The following COL5A3 variants were observed in gnomAD, a reference collection of about 807,000 sequenced individuals.
The protein encoded by COL5A3 is collagen alpha-3(V) chain.
In COL5A3, 172 loss-of-function variants were observed where a neutral mutation model predicts 250.0. That is an observed-to-expected ratio of 0.69 (90% CI 0.61 to 0.78). COL5A3 has a LOEUF of 0.78. COL5A3 is among the 30% of genes least tolerant of loss of function. The pLI is 0.00. For synonymous variants in COL5A3, 937 were observed against 900.4 expected, an observed-to-expected ratio of 1.04 and a Z score of -0.73; for missense variants, 2,340 against 2,334.4, an observed-to-expected ratio of 1.00 and a Z score of -0.05.
Position 9,979,828 on chromosome 19 carries a change from G to C in COL5A3, c.2712+11C>G. ...AAAGGATCAGGAATCAAAGGTTGAG[G>C]GGTTACTCACCAGTTCTCCTCTCTG... On this transcript the variant is annotated intron_variant, in intron 37 of 66. Coordinates refer to ENST00000264828, the MANE Select transcript of COL5A3 (RefSeq NM_015719.4). 1 of 1,584,442 alleles carries C rather than the reference G, an allele frequency of 6.3e-7. No individual in the cohort carries two copies. Among genetic ancestry groups the C allele is most frequent in the Non-Finnish European group, 8.5e-7 (1 of 1,170,582 alleles).
At chr19:9,989,645 A>G in intron 24 of COL5A3, 123 bp from the exon 25 acceptor site, 1 of 868,714 alleles carries the variant, frequency 1.2e-6, no homozygotes, top group South Asian at 1.9e-5. Context: ...CTGGCCAGGA[A>G]ATCTATCCCA....
chr19:9,991,909 C>T (rs1036227162), intron 22 of COL5A3, 68 bp from the exon 23 acceptor site: 38 of 1,577,414 alleles, frequency 2.4e-5, no homozygotes, highest in Non-Finnish European at 3.0e-5. Flanking sequence ...GTGAAATTGA[C>T]TTGGGGGGGG....
chr19:9,998,114 T>G lies in COL5A3; in HGVS notation c.1146A>C (p.Ala382=), dbSNP rs2087299070. The G allele has an allele frequency of 1.9e-6, 3 of 1,613,932 alleles. No homozygotes were observed. Among genetic ancestry groups the G allele is most frequent in the Non-Finnish European group, 2.5e-6 (3 of 1,179,976 alleles). The part of the protein sequence containing the change: ...AGEKGAKGEP[A]VIEKGQQFEG... ...CCAGACCCCTCACCTTTTCAATCAC[T>G]GCGGGCTCTCCTTTTGCTCCTTTCT... Residue 382 remains alanine (A), a synonymous_variant, in exon 9 of 67, where the codon GCA becomes GCC. Transcript: ENST00000264828.
chr19:9,976,701 C>T lies in COL5A3; in HGVS notation c.3289-90G>A, dbSNP rs565544946. 3.4e-5 allele frequency: 33 copies of T among 968,554 alleles called. No homozygotes were observed. The African/African-American group carries it at 4.6e-4, about 13-fold the overall frequency. The allele number at this position is 968,554 out of a possible 1,614,324, so 60.0% of individuals were successfully genotyped here. A position where few individuals can be genotyped will look rare whatever the true frequency, so the allele number is the denominator to read the frequency against. ...TATCAATCACTGCCTCCCACACCCC[C>T]TTTATGAGAACAACTTCCCCTACCA... On this transcript the variant is annotated intron_variant, in intron 44 of 66. Coordinates refer to ENST00000264828, the MANE Select transcript of COL5A3 (RefSeq NM_015719.4).
At chr19:9,976,390 G>A (rs2086922495) in intron 45 of COL5A3, among the ~76,000 whole-genome samples, 168 bp downstream of exon 45, 1 of 152,122 alleles carries the variant, frequency 6.6e-6, no homozygotes, top group Non-Finnish European at 1.5e-5. Flanking sequence ...GGTTGGGTTG[G>A]GATTGACTCC....
At position 9,971,009 on chromosome 19, in the gene COL5A3, C is replaced by G; in HGVS notation, c.3848G>C (p.Gly1283Ala). The change falls in exon 53 of 67, where the codon GGG (glycine) becomes GCG (alanine). Residue 1283 changes from glycine to alanine, a missense_variant. By Grantham distance (60) the Gly-to-Ala change is moderately conservative (BLOSUM62 0). This residue lies in a region of COL5A3 where 1,179 missense variants were observed against 1,162.6 expected (regional missense o/e 1.01). Transcript: ENST00000264828. Reference protein sequence around the residue: ...PGVSGIDGSPGEKGDPGDVGG... With the variant: ...PGVSGIDGSPAEKGDPGDVGG... Reference sequence around the variant, plus strand: ...AACATCACCAGGGTCTCCCTTCTCCCCTGGGGAACCATCTATGCCCTGCAT... The same window carrying G: ...AACATCACCAGGGTCTCCCTTCTCCGCTGGGGAACCATCTATGCCCTGCAT... 6.4e-7 allele frequency: 1 copy of G among 1,553,966 alleles called. No individual in the cohort carries two copies. Among genetic ancestry groups the G allele is most frequent in the Non-Finnish European group, 8.7e-7 (1 of 1,154,974 alleles).
rs1396298397 is a variant in COL5A3, at chr19:9,985,875, G to T, written c.2373C>A (p.Gly791=). 1 of 1,613,962 alleles carries T rather than the reference G, an allele frequency of 6.2e-7. No individual in the cohort carries two copies. Among genetic ancestry groups the T allele is most frequent in the Admixed American group, 1.7e-5 (1 of 59,998 alleles). The change falls in exon 31 of 67, where the codon GGC becomes GGA. Residue 791 remains glycine (G), a synonymous_variant. Coordinates refer to ENST00000264828, the MANE Select transcript of COL5A3 (RefSeq NM_015719.4). ...AGEKGKLGVP[G]LPGYPGRPGP... is the part of the protein sequence containing the mutation. ...CAGGGCGTCCTGGATAACCTGGGAG[G>T]CCTGGCACCCCAAGCTTGCCCTGCA...
chr19:9,966,878 G>A (rs538420438), intron 62 of COL5A3, 132 bp from the exon 63 acceptor site: 10 of 684,220 alleles, frequency 1.5e-5, no homozygotes, highest in East Asian at 5.5e-5. Flanking sequence ...GATAAACAAG[G>A]GGCAGAGATA....
rs149363106 is a variant in COL5A3, at chr19:9,989,152, G to A, written c.2117C>T (p.Pro706Leu). 3.2e-5 allele frequency: 51 copies of A among 1,614,074 alleles called. 1 individual carries two copies. The Middle Eastern group carries it at 6.6e-4, about 21-fold the overall frequency. ...CACTCCCCGAGGTCCAGGATAGCCC[G>A]GAGGGCCTGCCGACCCTGGTGGACC... ...AQGPPGSAGP[P>L]GYPGPRGVKG... Residue 706 changes from proline (P) to leucine (L), a missense_variant, in exon 27 of 67, where the codon CCG (proline) becomes CTG (leucine). Physicochemically the swap from Pro to Leu is moderately conservative, Grantham distance 98. This residue lies in a region of COL5A3 where 1,152 missense variants were observed against 1,146.3 expected (regional missense o/e 1.00). Transcript: ENST00000264828.
chr19:9,974,207 C>T lies in COL5A3; in HGVS notation c.3468G>A (p.Pro1156=), dbSNP rs139846355. Residue 1156 remains proline (P), a synonymous_variant, in exon 47 of 67, where the codon CCG becomes CCA. Transcript: ENST00000264828. ...CGTCTCCGACCTCCCCTTTCTCTCC[C>T]GGAGGGCCTGGCAGCCCCTGTGGAA... ...PPGLQGLPGP[P]GEKGEVGDVG... The T allele has an allele frequency of 2.6e-5, 42 of 1,614,024 alleles. No individual in the cohort carries two copies. Among genetic ancestry groups the T allele is most frequent in the Middle Eastern group, 1.6e-4 (1 of 6,062 alleles).
At position 9,973,771 on chromosome 19, in the gene COL5A3, G is replaced by T. The variant is rs748151954; in HGVS notation, c.3597C>A (p.Gly1199=). The T allele has an allele frequency of 6.2e-7, 1 of 1,613,948 alleles. No individual in the cohort carries two copies. The change falls in exon 49 of 67, where the codon GGC becomes GGA. Residue 1199 remains glycine, a synonymous_variant. Transcript: ENST00000264828. The part of the protein sequence containing the change: ...PGLPGGVGQP[G]AVGEKGERGD... ...CCTCACTCACCTTCTCACCCACGGC[G>T]CCTGGCTGACCAACTCCTCCAGGCA...
Position 9,980,802 on chromosome 19 carries a change from A to T in COL5A3, c.2559+4T>A. On this transcript the variant is annotated splice_donor_region_variant and intron_variant, in intron 34 of 66. Coordinates refer to ENST00000264828, the MANE Select transcript of COL5A3 (RefSeq NM_015719.4). ...GGGGCCTTGATTGCCCACCCATCCC[A>T]TACCTTGGGGCCTGGTTGCCCTGTG... is the stretch of plus-strand genomic sequence containing the variant. 1 of 1,612,896 alleles carries T rather than the reference A, an allele frequency of 6.2e-7. No homozygotes were observed.
Position 9,996,679 on chromosome 19 carries a change from C to T in COL5A3, c.1274G>A (p.Gly425Asp). The T allele has an allele frequency of 6.2e-7, 1 of 1,604,256 alleles. No homozygotes were observed. Residue 425 changes from glycine to aspartate, a missense_variant, in exon 12 of 67, where the codon GGC becomes GAC. By Grantham distance (94) the Gly-to-Asp change is moderately conservative. Transcript: ENST00000264828. Reference sequence around the variant, plus strand: ...ATCAATGCCGGGGATTCCTGGGAGGCCAGCAGGGCCCTGAGAGAGGGATGG... The same window carrying T: ...ATCAATGCCGGGGATTCCTGGGAGGTCAGCAGGGCCCTGAGAGAGGGATGG... The part of the protein sequence containing the change: ...PGDPGPPGPA[G>D]LPGIPGIDGI...
At chr19:9,997,870 C>T (rs1359787007) in intron 10 of COL5A3, 114 bp downstream of exon 10, 7 of 1,116,996 alleles carry the variant, frequency 6.3e-6, no homozygotes, top group East Asian at 2.4e-5. Flanking sequence ...CTCAAATGTC[C>T]ACTACCCTCC....
chr19:9,981,183 T>C, intron 32 of COL5A3, 51 bp from the exon 33 acceptor site: 1 of 1,567,562 alleles, frequency 6.4e-7, no homozygotes, highest in Middle Eastern at 1.7e-4. Flanking sequence ...GGTGCAAAGG[T>C]ATGACGCAAA....
intron 20 of COL5A3, 63 bp from the exon 21 acceptor site, chr19:9,992,943 T>A: frequency 6.2e-7 from 1 of 1,606,398 alleles, no homozygotes; most frequent in Non-Finnish European, 8.5e-7. Flanking sequence ...GCTCTAGGGG[T>A]CCTATGAGTC....
rs745959660 is a variant in COL5A3 at position 9,960,787 on chromosome 19, T to C, written c.4955A>G (p.Gln1652Arg). The C allele has an allele frequency of 6.2e-7, 1 of 1,614,030 alleles. No individual in the cohort carries two copies. Among genetic ancestry groups the C allele is most frequent in the South Asian group, 1.1e-5 (1 of 91,082 alleles). The change falls in exon 66 of 67, where the codon CAG (glutamine) becomes CGG (arginine). Residue 1652 changes from glutamine (Q) to arginine (R), a missense_variant. Transcript: ENST00000264828. ...TTCGTCCAGCCAGGCAGCTGCATTCTGGCAGGAGTAGGTGAAGTTCTGGCG... is the reference window on the plus strand; with the variant it reads ...TTCGTCCAGCCAGGCAGCTGCATTCCGGCAGGAGTAGGTGAAGTTCTGGCG... ...TARQNFTYSC[Q>R]NAAAWLDEAT...
At chr19:9,993,855 C>T (rs62104336) in intron 16 of COL5A3, 49 bp from the exon 17 acceptor site, 62,326 of 1,535,084 alleles carry the variant, frequency 0.041, 2,774 homozygotes, top group East Asian at 0.2. Context: ...TCCCTGTACC[C>T]CTCCACCAAA....
At chr19:9,982,790 C>A (rs565290285) in intron 31 of COL5A3, among the ~76,000 whole-genome samples, 20 of 152,286 alleles carry the variant, frequency 1.3e-4, no homozygotes, top group African/African-American at 4.8e-4. Context: ...CGCCTCAAAG[C>A]CCATTTCAGG....
Sources: allele counts gnomAD v4.1 joint callset (sites outside exome capture counted in the v4.1 genomes callset), GRCh38; gene constraint gnomAD v4.1.1; regional missense constraint gnomAD v4.1.1; transcripts MANE v1.5; gene names NCBI Gene and HGNC (gene_info 2026-07-23, HGNC 2026-07-21).